Variants in PAPPA observed in about 807,000 individuals in gnomAD.
PAPPA encodes the protein pappalysin 1.
In PAPPA, 60 loss-of-function variants were observed where a neutral mutation model predicts 164.0. The observed-to-expected ratio is 0.37, with a 90% CI of 0.30 to 0.45. PAPPA has a LOEUF of 0.45. Among genes scored for constraint, PAPPA ranks in the 20% least tolerant of loss-of-function variants. The probability of loss-of-function intolerance (pLI) is 1.00; values close to 1 mark genes in which losing one functional copy is unlikely to be tolerated. For synonymous variants in PAPPA, 875 were observed against 814.1 expected, an observed-to-expected ratio of 1.07 and a Z score of -1.27; for missense variants, 1,782 against 2,087.3, an observed-to-expected ratio of 0.85 and a Z score of 2.85.
chr9:116,369,268 TC>T (rs968237217), intron 19 of PAPPA, among the ~76,000 whole-genome samples: 2 of 152,032 alleles, frequency 1.3e-5, no homozygotes, highest in Non-Finnish European at 2.9e-5. Context: ...CTGCACAGAT[TC>T]CCCCGAGTGC....
chr9:116,209,064 A>G (rs887871473), intron 3 of PAPPA, among the ~76,000 whole-genome samples: 1 of 152,318 alleles, frequency 6.6e-6, no homozygotes. Flanking sequence ...TATACAGACT[A>G]AAAAGTCAAT....
Position 116,187,117 on chromosome 9 carries a change from CT to C in PAPPA, c.416-34del. On this transcript the variant is annotated intron_variant, in intron 1 of 21. Transcript: ENST00000328252. The surrounding 1 kb of genome is among the most constrained non-coding windows in gnomAD (Gnocchi z 4.2). ...ACTTAACCCCCCCTCCTTTTCCATC[CT>C]TTATTTATTCATCTTTCTCTTTTGG... The C allele has an allele frequency of 6.8e-7, 1 of 1,462,428 alleles. No individual in the cohort carries two copies. 90.6% of individuals were successfully genotyped at this position (1,462,428 alleles called of 1,614,324 possible). A position where few individuals can be genotyped will look rare whatever the true frequency, so the allele number is the denominator to read the frequency against.
intron 13 of PAPPA, among the ~76,000 whole-genome samples, chr9:116,337,282 G>A (rs1056121887): frequency 1.3e-5 from 2 of 152,188 alleles, no homozygotes; most frequent in African/African-American, 2.4e-5. Context: ...GAGGGCTGAG[G>A]CTGCAGGGCA....
Position 116,154,623 on chromosome 9 carries a change from C to G in PAPPA, c.415+36C>G. 1 of 1,289,388 alleles carries G rather than the reference C, an allele frequency of 7.8e-7. No homozygotes were observed. The highest frequency in any genetic ancestry group is 9.8e-7 in the Non-Finnish European group (1 of 1,017,462). 79.9% of individuals were successfully genotyped at this position (1,289,388 alleles called of 1,614,324 possible). ...GCGCCTCGGCGGGCGCTGCACCGTCCCTGCGGCCCCAGAGGCTCGCGGGTG... is the reference window on the plus strand; with the variant it reads ...GCGCCTCGGCGGGCGCTGCACCGTCGCTGCGGCCCCAGAGGCTCGCGGGTG... On this transcript the variant is annotated intron_variant, in intron 1 of 21. Transcript: ENST00000328252. This position sits in a 1 kb window ranked among gnomAD's most constrained non-coding sequence, Gnocchi z 5.2.
chr9:116,336,232 G>A (rs1846059948), intron 13 of PAPPA, among the ~76,000 whole-genome samples: 1 of 150,628 alleles, frequency 6.6e-6, no homozygotes, highest in African/African-American at 2.4e-5. Context: ...TGTATACCTG[G>A]GGGCAAGAAA....
At chr9:116,233,177 C>T (rs866565246) in intron 6 of PAPPA, among the ~76,000 whole-genome samples, 18 of 152,360 alleles carry the variant, frequency 1.2e-4, no homozygotes, top group Middle Eastern at 6.8e-3. Context: ...GGACTAGGCA[C>T]ACTGTATTAA....
intron 2 of PAPPA, among the ~76,000 whole-genome samples, chr9:116,193,770 A>G (rs959977466): frequency 6.6e-6 from 1 of 152,234 alleles, no homozygotes. Flanking sequence ...AGGTGCTTGT[A>G]TCCTGTGATT....
chr9:116,353,665 G>A lies in PAPPA; in HGVS notation c.4219G>A (p.Glu1407Lys), dbSNP rs142893148. ...TQCTQDGSWQ[E>K]GACVPVTCDP... Reference sequence around the variant, plus strand: ...GTGTACCCAGGATGGCAGCTGGCAGGAGGGAGCTTGTGTTCCTGTGACCTG... The same window carrying A: ...GTGTACCCAGGATGGCAGCTGGCAGAAGGGAGCTTGTGTTCCTGTGACCTG... Residue 1407 changes from glutamate to lysine, a missense_variant, in exon 17 of 22, where the codon GAG (glutamate) becomes AAG (lysine). Coordinates refer to ENST00000328252, the MANE Select transcript of PAPPA (RefSeq NM_002581.5). 1 of 1,614,148 alleles carries A rather than the reference G, an allele frequency of 6.2e-7. No homozygotes were observed. Among genetic ancestry groups the A allele is most frequent in the South Asian group, 1.1e-5 (1 of 91,078 alleles).
intron 7 of PAPPA, 109 bp from the exon 8 acceptor site, chr9:116,265,748 C>CA: frequency 1.2e-6 from 1 of 868,358 alleles, no homozygotes; most frequent in Non-Finnish European, 1.8e-6. Context: ...CATTTGATTT[C>CA]AAAAATGAGC....
intron 1 of PAPPA, among the ~76,000 whole-genome samples, chr9:116,183,836 C>G (rs1293403716): frequency 6.6e-6 from 1 of 152,148 alleles, no homozygotes; most frequent in Non-Finnish European, 1.5e-5. Context: ...CTCACTTCTT[C>G]CCCCTTCTCT....
At chr9:116,190,596 G>A (rs1217720129) in intron 2 of PAPPA, among the ~76,000 whole-genome samples, 1 of 152,230 alleles carries the variant, frequency 6.6e-6, no homozygotes, top group Admixed American at 6.5e-5. Flanking sequence ...GATAGGGAGA[G>A]TGGCGCTACT....
intron 1 of PAPPA, among the ~76,000 whole-genome samples, chr9:116,184,124 G>A (rs942348465): frequency 6.6e-6 from 1 of 152,140 alleles, no homozygotes; most frequent in African/African-American, 2.4e-5. Flanking sequence ...AGGGTTAGCT[G>A]GGAGAGAGAG....
At chr9:116,234,818 C>T (rs1844639982) in intron 6 of PAPPA, among the ~76,000 whole-genome samples, 1 of 152,190 alleles carries the variant, frequency 6.6e-6, no homozygotes, top group African/African-American at 2.4e-5. Flanking sequence ...CCAATATGTA[C>T]CCTTTACTTC....
intron 10 of PAPPA, among the ~76,000 whole-genome samples, chr9:116,314,245 A>G (rs1414759983): frequency 6.6e-6 from 1 of 151,116 alleles, no homozygotes. Context: ...TAATTTTTGT[A>G]TTTTTAGTAG....
chr9:116,260,084 T>C (rs180678381), intron 7 of PAPPA, among the ~76,000 whole-genome samples: 21 of 152,270 alleles, frequency 1.4e-4, no homozygotes, highest in Non-Finnish European at 5.9e-5. Flanking sequence ...AAGTATAGTA[T>C]TGAAACATCT....
chr9:116,284,442 T>TACTCTTTA (rs1382626113), intron 9 of PAPPA, among the ~76,000 whole-genome samples: 6 of 151,896 alleles, frequency 4.0e-5, no homozygotes. Flanking sequence ...TTCTTTCACC[T>TACTCTTTA]ACTCTTTAAG....
chr9:116,232,638 A>G (rs560590657), intron 6 of PAPPA, among the ~76,000 whole-genome samples: 1 of 152,334 alleles, frequency 6.6e-6, no homozygotes, highest in South Asian at 2.1e-4. Context: ...TGAGGCGTGT[A>G]ATGTGCTTGG....
intron 13 of PAPPA, 134 bp from the exon 14 acceptor site, chr9:116,344,409 C>G (rs1588012937): frequency 1.3e-6 from 1 of 796,314 alleles, no homozygotes; most frequent in East Asian, 2.5e-5. Flanking sequence ...TTCACCCTAG[C>G]CAGCACCCCT....
chr9:116,189,427 G>T (rs1339440552), intron 2 of PAPPA, among the ~76,000 whole-genome samples: 2 of 152,102 alleles, frequency 1.3e-5, no homozygotes, highest in African/African-American at 4.8e-5. Flanking sequence ...AAAAGAATAG[G>T]TAAAATTTTG....
Sources: gnomAD v4.1 joint callset for allele counts (sites outside exome capture counted in the v4.1 genomes callset) on GRCh38, gnomAD v4.1.1 for gene constraint, Gnocchi (gnomAD v3.1) non-coding constraint, MANE v1.5 for transcripts, NCBI Gene and HGNC (gene_info 2026-07-23, HGNC 2026-07-21) for gene names.